Variants in ACVR1C observed in about 807,000 individuals in gnomAD.
ACVR1C encodes the protein activin receptor type-1C.
Under a neutral mutation model 57.9 loss-of-function variants are expected in ACVR1C, and 23 were observed. That is an observed-to-expected ratio of 0.40 (90% CI 0.29 to 0.56). The LOEUF is 0.56. Ranked by LOEUF, ACVR1C falls within the 20% of genes least tolerant of loss-of-function variation. The pLI is 0.50. For missense variants in ACVR1C, 480 were observed against 607.9 expected, an observed-to-expected ratio of 0.79 and a Z score of 2.21; for synonymous variants, 214 against 215.3, an observed-to-expected ratio of 0.99 and a Z score of 0.05.
At chr2:157,624,233 C>T (rs1213554822) in intron 1 of ACVR1C, among the ~76,000 whole-genome samples, 1 of 152,136 alleles carries the variant, frequency 6.6e-6, no homozygotes, top group Non-Finnish European at 1.5e-5. Context: ...CTTGTCATTG[C>T]TCTCTTAGGA....
chr2:157,625,579 T>C (rs1682876416), intron 1 of ACVR1C, among the ~76,000 whole-genome samples: 1 of 149,810 alleles, frequency 6.7e-6, no homozygotes, highest in Non-Finnish European at 1.5e-5. Context: ...CTGCTAACTA[T>C]TGTTTGCAGT....
Position 157,531,302 on chromosome 2 carries a change from T to A in ACVR1C, c.*2616A>T, listed in dbSNP as rs1687345086. On this transcript the variant is annotated 3_prime_UTR_variant, in exon 9 of 9. Transcript: ENST00000243349. ...TTCCTTATCATTTTTGCTGCTCTATTCCCTTTCTTAAAAAATGTATTTTGT... is the reference window on the plus strand; with the variant it reads ...TTCCTTATCATTTTTGCTGCTCTATACCCTTTCTTAAAAAATGTATTTTGT... 6.6e-6 allele frequency: 1 copy of A among 152,024 alleles called. No homozygotes were observed. The highest frequency in any genetic ancestry group is 1.5e-5 in the Non-Finnish European group (1 of 67,946). The allele number at this position is 152,024 out of a possible 1,614,324, so 9.4% of individuals were successfully genotyped here.
At chr2:157,627,625 C>A (rs1682925036) in intron 1 of ACVR1C, among the ~76,000 whole-genome samples, 1 of 152,136 alleles carries the variant, frequency 6.6e-6, no homozygotes, top group Non-Finnish European at 1.5e-5. Flanking sequence ...TCTGGGAAAA[C>A]AAAATGCATC....
At chr2:157,560,814 T>C (rs1688216137) in intron 2 of ACVR1C, among the ~76,000 whole-genome samples, 1 of 152,220 alleles carries the variant, frequency 6.6e-6, no homozygotes, top group Non-Finnish European at 1.5e-5. Flanking sequence ...TCTAAATTAC[T>C]TCTCAGAACT....
chr2:157,618,994 A>C (rs1682709375), intron 1 of ACVR1C, among the ~76,000 whole-genome samples: 1 of 151,902 alleles, frequency 6.6e-6, no homozygotes, highest in South Asian at 2.1e-4. Context: ...TGAAACAAGA[A>C]GACAGAGAAT....
rs755231603 is a variant in ACVR1C, at chr2:157,628,603, C to T, written c.42G>A (p.Leu14=). 6.2e-7 allele frequency: 1 copy of T among 1,606,508 alleles called. No individual in the cohort carries two copies. The highest frequency in any genetic ancestry group is 1.3e-5 in the African/African-American group (1 of 74,898). The part of the protein sequence containing the change: ...ALCSALRQAL[L]LLAAAAELSP... ...AGAGCTCGGCGGCCGCTGCGAGCAG[C>T]AGGAGAGCCTGGCGGAGCGCTGAGC... The change falls in exon 1 of 9, where the codon CTG becomes CTA. Residue 14 remains leucine (L), a synonymous_variant. Coordinates refer to ENST00000243349, the MANE Select transcript of ACVR1C (RefSeq NM_145259.3).
intron 2 of ACVR1C, among the ~76,000 whole-genome samples, chr2:157,584,617 C>T (rs1688873555): frequency 6.6e-6 from 1 of 152,086 alleles, no homozygotes; most frequent in African/African-American, 2.4e-5. Flanking sequence ...TATGTACTAA[C>T]TGAAACTATC....
At chr2:157,598,816 G>A (rs1353747600) in intron 1 of ACVR1C, among the ~76,000 whole-genome samples, 1 of 152,120 alleles carries the variant, frequency 6.6e-6, no homozygotes, top group Non-Finnish European at 1.5e-5. Flanking sequence ...TGGGGCTACA[G>A]GCGTGAGTCA....
intron 2 of ACVR1C, among the ~76,000 whole-genome samples, chr2:157,581,171 T>C (rs4377290): frequency 0.48 from 72,662 of 151,764 alleles, 17,838 homozygotes; most frequent in African/African-American, 0.55. Context: ...TCAAAAGTTT[T>C]CTTCAGATAA....
intron 1 of ACVR1C, among the ~76,000 whole-genome samples, chr2:157,593,328 C>T (rs1689085776): frequency 6.6e-6 from 1 of 152,124 alleles, no homozygotes. Context: ...TTGAATTAGA[C>T]AGTATTCTCA....
chr2:157,545,889 C>G (rs2105211429), intron 4 of ACVR1C, among the ~76,000 whole-genome samples: 1 of 152,204 alleles, frequency 6.6e-6, no homozygotes, highest in South Asian at 2.1e-4. Context: ...ATTCTCCTGC[C>G]CCCACCTCCT....
At chr2:157,575,687 G>A (rs1460480112) in intron 2 of ACVR1C, among the ~76,000 whole-genome samples, 1 of 152,164 alleles carries the variant, frequency 6.6e-6, no homozygotes, top group African/African-American at 2.4e-5. Flanking sequence ...AATATTATCT[G>A]TTAGGTAGAC....
At chr2:157,587,609 A>G (rs1688956847) in intron 1 of ACVR1C, among the ~76,000 whole-genome samples, 192 bp from the exon 2 acceptor site, 1 of 152,066 alleles carries the variant, frequency 6.6e-6, no homozygotes. Flanking sequence ...TCCAATTATC[A>G]TTTACTTTTG....
chr2:157,618,149 A>G (rs867667334), intron 1 of ACVR1C, among the ~76,000 whole-genome samples: 1 of 151,980 alleles, frequency 6.6e-6, no homozygotes, highest in Middle Eastern at 3.4e-3. Context: ...AGCCAAAATA[A>G]TAACTATAAG....
At chr2:157,593,651 C>T (rs1681998652) in intron 1 of ACVR1C, among the ~76,000 whole-genome samples, 1 of 152,194 alleles carries the variant, frequency 6.6e-6, no homozygotes, top group Non-Finnish European at 1.5e-5. Context: ...GCCAGGAAAA[C>T]TAGCACTAGC....
intron 1 of ACVR1C, among the ~76,000 whole-genome samples, chr2:157,618,602 A>T (rs981884310): frequency 1.3e-5 from 2 of 151,808 alleles, no homozygotes; most frequent in African/African-American, 4.8e-5. Flanking sequence ...GAGAATGGAA[A>T]ATTTATAATA....
At chr2:157,598,578 C>G (rs564431681) in intron 1 of ACVR1C, among the ~76,000 whole-genome samples, 1 of 145,580 alleles carries the variant, frequency 6.9e-6, no homozygotes, top group Non-Finnish European at 1.5e-5. Context: ...CTCACTCTGT[C>G]ACCCAGGCTG....
At chr2:157,616,693 T>TAAAG (rs1233702290) in intron 1 of ACVR1C, among the ~76,000 whole-genome samples, 1 of 152,116 alleles carries the variant, frequency 6.6e-6, no homozygotes, top group East Asian at 1.9e-4. Flanking sequence ...GGTGTCAGGG[T>TAAAG]AAAGAGAGAA....
At position 157,554,209 on chromosome 2, in the gene ACVR1C, A is replaced by AAGAAAGAAAGAG. The variant is rs1688002225; in HGVS notation, c.544+1883_544+1884insCTCTTTCTTTCT. ...AAAAAAAATAAAGAAGAGAGAAAGA[A>AAGAAAGAAAGAG]AGAAAGAAAGAAAGAAAGAAAGAAA... On this transcript the variant is annotated intron_variant, in intron 3 of 8. Transcript: ENST00000243349. Among the ~76,000 whole-genome samples, 9 of 88,048 alleles carry AAGAAAGAAAGAG rather than the reference A, an allele frequency of 1.0e-4. No individual in the cohort carries two copies. In the South Asian group the frequency reaches 2.8e-3, roughly 27 times the overall value. The allele number at this position is 88,048 out of a possible 152,430, so 57.8% of individuals were successfully genotyped here. A position where few individuals can be genotyped will look rare whatever the true frequency, so the allele number is the denominator to read the frequency against.
Sources: gnomAD v4.1 joint callset for allele counts (sites outside exome capture counted in the v4.1 genomes callset) on GRCh38, gnomAD v4.1.1 for gene constraint, MANE v1.5 for transcripts, NCBI Gene and HGNC (gene_info 2026-07-23, HGNC 2026-07-21) for gene names.